FAAH2: variants seen among roughly 807,000 people sequenced by gnomAD.
FAAH2 encodes fatty-acid amide hydrolase 2.
In FAAH2, 60 loss-of-function variants were observed where a neutral mutation model predicts 36.9. That is an observed-to-expected ratio of 1.63 (90% CI 1.32 to 2.02). FAAH2 has a LOEUF of 2.02. Ranked by LOEUF, FAAH2 falls within the 30% of genes most tolerant of loss-of-function variation. The pLI, the probability that FAAH2 is intolerant of heterozygous loss-of-function variation, is 0.00. For synonymous variants in FAAH2, 214 were observed against 143.8 expected (o/e 1.49, Z -3.49); for missense variants, 689 against 397.5 (o/e 1.73, Z -6.23).
chrX:57,441,799 G>C (rs2056563951), intron 8 of FAAH2, among the ~76,000 whole-genome samples: 2 of 111,207 alleles, frequency 1.8e-5, no homozygotes, highest in Admixed American at 1.9e-4. Context: ...AGAGATTCTG[G>C]TGTGTTGTGT....
intron 6 of FAAH2, 60 bp from the exon 7 acceptor site, chrX:57,380,852 T>A (rs924107729): frequency 1.4e-6 from 1 of 715,742 alleles, no homozygotes; most frequent in Admixed American, 3.3e-5. Context: ...ATGTCAGGAT[T>A]GAACTATTAA....
At chrX:57,378,932 A>T (rs2054761403) in intron 6 of FAAH2, 146 bp downstream of exon 6, 2 of 635,163 alleles carry the variant, frequency 3.1e-6, no homozygotes, top group Non-Finnish European at 4.7e-6. Flanking sequence ...TACTTATATA[A>T]GTGGATACCA....
At chrX:57,313,676 A>C (rs2052757703) in intron 3 of FAAH2, among the ~76,000 whole-genome samples, 1 of 110,857 alleles carries the variant, frequency 9.0e-6, no homozygotes, top group Non-Finnish European at 1.9e-5. Flanking sequence ...AATGAAGGAG[A>C]AATAAAATTC....
chrX:57,302,068 G>A (rs2052388183), intron 2 of FAAH2, among the ~76,000 whole-genome samples: 1 of 111,606 alleles, frequency 9.0e-6, no homozygotes, highest in Non-Finnish European at 1.9e-5. Context: ...AGCATCTATT[G>A]TCATGCATTT....
At chrX:57,408,247 T>C (rs191249137) in intron 7 of FAAH2, among the ~76,000 whole-genome samples, 3 of 111,145 alleles carry the variant, frequency 2.7e-5, no homozygotes, top group African/African-American at 9.8e-5. Flanking sequence ...GATCTGGCTG[T>C]TAATGAAGAT....
chrX:57,371,494 C>T lies in FAAH2; in HGVS notation c.743-7157C>T, dbSNP rs776211711. On this transcript the variant is annotated intron_variant, in intron 5 of 10. Coordinates refer to ENST00000374900, the MANE Select transcript of FAAH2 (RefSeq NM_174912.4). ...TTATCCAATCCACCATTGATGGGCA[C>T]CTAGTTTGATTCCATGTCTTTCCTA... Among the ~76,000 whole-genome samples the T allele has an allele frequency of 8.1e-5, 9 of 111,278 alleles. No homozygotes were observed. In the Admixed American group the frequency reaches 8.6e-4, roughly 11 times the overall value.
intron 7 of FAAH2, among the ~76,000 whole-genome samples, chrX:57,413,982 G>GTTCACAGAGAGCCAAAT (rs2055769479): frequency 9.0e-6 from 1 of 111,691 alleles, no homozygotes; most frequent in Admixed American, 9.5e-5. Context: ...ATTGTGAATG[G>GTTCACAGAGAGCCAAAT]GAGTTCACTC....
At chrX:57,222,681 C>G in the FAAH2 span, among the ~76,000 whole-genome samples, 1 of 111,667 alleles carries the variant, frequency 9.0e-6, no homozygotes, top group Non-Finnish European at 1.9e-5. Context: ...ATAGAAAACC[C>G]CCTCCTACCA....
At chrX:57,466,863 G>C (rs2057060163) in intron 10 of FAAH2, among the ~76,000 whole-genome samples, 2 of 111,037 alleles carry the variant, frequency 1.8e-5, no homozygotes, top group Non-Finnish European at 3.8e-5. Context: ...CAACCATTGT[G>C]GATGTAGGAT....
At chrX:57,269,900 C>A in the FAAH2 span, among the ~76,000 whole-genome samples, 2 of 109,661 alleles carry the variant, frequency 1.8e-5, no homozygotes, top group Non-Finnish European at 3.8e-5. Flanking sequence ...GAGATAAAGG[C>A]ACAAAAAAAC....
intron 8 of FAAH2, 135 bp downstream of exon 8, chrX:57,432,172 G>C (rs369941884): frequency 2.1e-6 from 1 of 482,377 alleles, no homozygotes; most frequent in Non-Finnish European, 3.1e-6. Flanking sequence ...AATATTTAAA[G>C]AAAGCACAGT....
chrX:57,385,771 G>A (rs373771876), intron 7 of FAAH2, among the ~76,000 whole-genome samples: 75 of 110,883 alleles, frequency 6.8e-4, no homozygotes, highest in Admixed American at 1.6e-3. Context: ...AGCCGGGCGC[G>A]GTGGCGGGCG....
chrX:57,259,734 G>A, the FAAH2 span, among the ~76,000 whole-genome samples: 1 of 111,655 alleles, frequency 9.0e-6, no homozygotes, highest in African/African-American at 3.3e-5. Flanking sequence ...ATATTAATTA[G>A]CTTGATTGTG....
the FAAH2 span, among the ~76,000 whole-genome samples, chrX:57,257,681 T>G: frequency 9.0e-6 from 1 of 110,570 alleles, no homozygotes; most frequent in African/African-American, 3.3e-5. Flanking sequence ...ACCCAGAACT[T>G]AAAGTATAAT....
the FAAH2 span, among the ~76,000 whole-genome samples, chrX:57,193,990 T>A: frequency 8.9e-6 from 1 of 111,920 alleles, no homozygotes; most frequent in Non-Finnish European, 1.9e-5. Flanking sequence ...TGTGTGTTTT[T>A]TTAAATGTGT....
chrX:57,305,062 TTGTG>T (rs60804398), intron 2 of FAAH2, among the ~76,000 whole-genome samples: 4 of 103,731 alleles, frequency 3.9e-5, no homozygotes, highest in Non-Finnish European at 5.9e-5. Flanking sequence ...TTCTGTAATT[TTGTG>T]TGTGTGTGTG....
chrX:57,277,119 CA>C, the FAAH2 span, among the ~76,000 whole-genome samples: 2 of 110,535 alleles, frequency 1.8e-5, no homozygotes, highest in Non-Finnish European at 3.8e-5. Flanking sequence ...AGAGACACAA[CA>C]AAAAAAGAGA....
chrX:57,264,061 C>T, the FAAH2 span, among the ~76,000 whole-genome samples: 3 of 111,844 alleles, frequency 2.7e-5, no homozygotes, highest in African/African-American at 9.7e-5. Context: ...ATAAACCCCA[C>T]TCCTAGAAAT....
At chrX:57,307,171 C>G (rs1488096571) in intron 2 of FAAH2, among the ~76,000 whole-genome samples, 1 of 103,879 alleles carries the variant, frequency 9.6e-6, no homozygotes, top group Non-Finnish European at 2.0e-5. Flanking sequence ...GTTTTCTCAT[C>G]CCTTCATCTT....
Sources: gnomAD v4.1 joint callset for allele counts (sites outside exome capture counted in the v4.1 genomes callset) on GRCh38, gnomAD v4.1.1 for gene constraint, MANE v1.5 for transcripts, NCBI Gene and HGNC (gene_info 2026-07-23, HGNC 2026-07-21) for gene names.